GNG2: variants seen among roughly 807,000 people sequenced by gnomAD.
GNG2 encodes the protein G protein subunit gamma 2.
Under a neutral mutation model 5.5 loss-of-function variants are expected in GNG2, and 5 were observed. The observed-to-expected ratio is 0.91, with a 90% CI of 0.48 to 1.92. GNG2 has a LOEUF of 1.92. Ranked by LOEUF, GNG2 falls within the 30% of genes most tolerant of loss-of-function variation. The pLI is 0.01. For synonymous variants in GNG2, 28 were observed against 32.0 expected (o/e 0.88, Z 0.42); for missense variants, 55 against 88.4 (o/e 0.62, Z 1.52).
chr14:51,842,719 C>G (rs1358478909), intron 2 of GNG2, among the ~76,000 whole-genome samples: 2 of 150,346 alleles, frequency 1.3e-5, no homozygotes, highest in Non-Finnish European at 2.9e-5. Flanking sequence ...GGCTGGAGTG[C>G]AGTGGCACAA....
At chr14:51,939,148 C>CT (rs1427351083) in intron 2 of GNG2, among the ~76,000 whole-genome samples, 1 of 152,120 alleles carries the variant, frequency 6.6e-6, no homozygotes, top group Non-Finnish European at 1.5e-5. Flanking sequence ...AAGTATTAAT[C>CT]TTTTTTCCGT....
At chr14:51,945,328 C>T (rs1888580626) in intron 2 of GNG2, among the ~76,000 whole-genome samples, 1 of 152,122 alleles carries the variant, frequency 6.6e-6, no homozygotes, top group Non-Finnish European at 1.5e-5. Context: ...GTGGTATATA[C>T]ATACAATGGA....
At position 51,888,206 on chromosome 14, in the gene GNG2, CTATT is replaced by C. The variant is rs146464099; in HGVS notation, c.-30+10554_-30+10557del. On this transcript the variant is annotated intron_variant, in intron 2 of 3. Coordinates refer to ENST00000556766, the MANE Select transcript of GNG2 (RefSeq NM_053064.5). Reference sequence around the variant, plus strand: ...GATACATCCATGCTGTATGCATCAACTATTTATTCTTTTTATTCTTGGGTAGTAT... The same window carrying C: ...GATACATCCATGCTGTATGCATCAACTATTCTTTTTATTCTTGGGTAGTAT... Among the ~76,000 whole-genome samples, 165 of 152,252 alleles carry C rather than the reference CTATT, an allele frequency of 1.1e-3. 1 individual carries two copies. Among genetic ancestry groups the C allele is most frequent in the African/African-American group, 3.9e-3 (161 of 41,554 alleles).
chr14:51,851,683 A>C (rs1233567415), intron 2 of GNG2, among the ~76,000 whole-genome samples: 2 of 152,210 alleles, frequency 1.3e-5, no homozygotes, highest in Non-Finnish European at 2.9e-5. Context: ...CCATAATGAA[A>C]TGGGAGTCTG....
At chr14:51,930,827 CAG>C (rs759571311) in intron 2 of GNG2, among the ~76,000 whole-genome samples, 17 of 150,390 alleles carry the variant, frequency 1.1e-4, no homozygotes, top group Admixed American at 2.6e-4. Context: ...GCAGGCCCAT[CAG>C]AGAGAGAGAG....
chr14:51,896,453 T>C (rs1885198332), intron 2 of GNG2, among the ~76,000 whole-genome samples: 1 of 152,178 alleles, frequency 6.6e-6, no homozygotes, highest in African/African-American at 2.4e-5. Flanking sequence ...AAGAAAAGTA[T>C]AAGTTTCCAA....
intron 2 of GNG2, among the ~76,000 whole-genome samples, chr14:51,948,652 TAACCATGCTAATGAA>T (rs1347882027): frequency 6.6e-6 from 1 of 152,244 alleles, no homozygotes; most frequent in African/African-American, 2.4e-5. Context: ...ATTGGGTCTC[TAACCATGCTAATGAA>T]ATAATACTTG....
At chr14:51,876,687 G>C (rs1883692388) in intron 1 of GNG2, among the ~76,000 whole-genome samples, 1 of 151,936 alleles carries the variant, frequency 6.6e-6, no homozygotes, top group Non-Finnish European at 1.5e-5. Flanking sequence ...AAAACATATG[G>C]CCCCTATGGT....
At chr14:51,878,035 C>A (rs1398145563) in intron 2 of GNG2, 4 of 174,844 alleles carry the variant, frequency 2.3e-5, no homozygotes, top group Non-Finnish European at 2.4e-5. Context: ...AAAGGTAAAC[C>A]CTGTTCTTAA....
At chr14:51,936,080 C>G (rs754261203) in intron 2 of GNG2, among the ~76,000 whole-genome samples, 1 of 152,106 alleles carries the variant, frequency 6.6e-6, no homozygotes. Context: ...CTCCAGGGAC[C>G]GCCAGAACTG....
chr14:51,914,887 T>C (rs137856411), intron 2 of GNG2, among the ~76,000 whole-genome samples: 95 of 152,242 alleles, frequency 6.2e-4, no homozygotes, highest in African/African-American at 1.4e-3. Flanking sequence ...GGGGTCTCAA[T>C]TGGGGGGAAA....
At chr14:51,964,195 C>G (rs1889771654) in intron 3 of GNG2, among the ~76,000 whole-genome samples, 1 of 152,100 alleles carries the variant, frequency 6.6e-6, no homozygotes. Context: ...CAAGGGATAC[C>G]AAAGATTGCC....
chr14:51,920,309 C>T (rs1438201858), intron 2 of GNG2, among the ~76,000 whole-genome samples: 4 of 151,740 alleles, frequency 2.6e-5, no homozygotes, highest in Admixed American at 6.6e-5. Flanking sequence ...CAAACCCTCC[C>T]CTATACTTTA....
chr14:51,909,654 C>T (rs1297259727), intron 2 of GNG2, among the ~76,000 whole-genome samples: 6 of 152,202 alleles, frequency 3.9e-5, no homozygotes. Flanking sequence ...CACTTCAGAG[C>T]TGCATGTAAC....
chr14:51,958,447 C>A (rs940044058), intron 3 of GNG2, among the ~76,000 whole-genome samples: 152 of 145,588 alleles, frequency 1.0e-3, no homozygotes, highest in African/African-American at 3.6e-3. Flanking sequence ...GTTCCCCCCC[C>A]CCATTTATAT....
chr14:51,843,428 G>T (rs990018939), intron 2 of GNG2, among the ~76,000 whole-genome samples: 1 of 152,140 alleles, frequency 6.6e-6, no homozygotes, highest in Non-Finnish European at 1.5e-5. Context: ...GGCCTGTCGG[G>T]GGTGAGGGGA....
intron 3 of GNG2, among the ~76,000 whole-genome samples, chr14:51,954,517 C>G (rs1003134369): frequency 6.6e-6 from 1 of 152,260 alleles, no homozygotes; most frequent in Middle Eastern, 3.4e-3. Flanking sequence ...TGTATTAGGA[C>G]TCTTTGAGTT....
chr14:51,904,556 G>T (rs1350050135), intron 2 of GNG2, among the ~76,000 whole-genome samples: 1 of 149,680 alleles, frequency 6.7e-6, no homozygotes, highest in Non-Finnish European at 1.5e-5. Flanking sequence ...GCTGCAGCAT[G>T]ATCTGTGCAG....
intron 2 of GNG2, chr14:51,913,982 A>G (rs1223306508): frequency 1.0e-5 from 5 of 489,508 alleles, no homozygotes; most frequent in Non-Finnish European, 1.4e-5. Context: ...AAACAATGGG[A>G]AGAATATCAC....
Sources: allele counts gnomAD v4.1 joint callset (sites outside exome capture counted in the v4.1 genomes callset), GRCh38; gene constraint gnomAD v4.1.1; transcripts MANE v1.5; gene names NCBI Gene and HGNC (gene_info 2026-07-23, HGNC 2026-07-21).